PTBP3: variants seen among roughly 807,000 people sequenced by gnomAD.
PTBP3 encodes polypyrimidine tract binding protein 3.
In PTBP3, 20 loss-of-function variants were observed where a neutral mutation model predicts 58.7. The ratio of observed to expected loss-of-function variants is 0.34; its 90% CI spans 0.24 to 0.50. PTBP3 has a LOEUF of 0.50. Ranked by LOEUF, PTBP3 falls within the 20% of genes least tolerant of loss-of-function variation. PTBP3 has a pLI of 0.98. For missense variants in PTBP3, 509 were observed against 637.2 expected, an observed-to-expected ratio of 0.80 and a Z score of 2.17; for synonymous variants, 185 against 219.8, an observed-to-expected ratio of 0.84 and a Z score of 1.40.
At chr9:112,230,892 C>T (rs796855306) in intron 10 of PTBP3, among the ~76,000 whole-genome samples, 1 of 152,186 alleles carries the variant, frequency 6.6e-6, no homozygotes, top group Non-Finnish European at 1.5e-5. Flanking sequence ...TATTCAATGG[C>T]TTCCGATTGT....
chr9:112,253,140 T>A (rs1836199934), intron 5 of PTBP3, among the ~76,000 whole-genome samples: 1 of 152,216 alleles, frequency 6.6e-6, no homozygotes, highest in African/African-American at 2.4e-5. Context: ...AATCATCTAC[T>A]TTTTGAGATT....
downstream of PTBP3, chr9:112,217,737 C>T (rs758002555): frequency 3.3e-5 from 5 of 152,098 alleles, no homozygotes; most frequent in Non-Finnish European, 7.4e-5. Context: ...TTTATTTTCC[C>T]AGTATTTATG....
chr9:112,349,239 A>G, the PTBP3 span, among the ~76,000 whole-genome samples: 1 of 152,156 alleles, frequency 6.6e-6, no homozygotes, highest in Non-Finnish European at 1.5e-5. Context: ...TGCTAGACAT[A>G]TGGAGGCGCT....
chr9:112,235,101 C>T (rs1835391179), intron 7 of PTBP3, among the ~76,000 whole-genome samples: 2 of 152,066 alleles, frequency 1.3e-5, no homozygotes, highest in Non-Finnish European at 2.9e-5. Flanking sequence ...GGTTCAAGGA[C>T]CAAGAGTACA....
intron 4 of PTBP3, among the ~76,000 whole-genome samples, chr9:112,266,499 T>C (rs549144603): frequency 6.6e-6 from 1 of 152,170 alleles, no homozygotes; most frequent in East Asian, 1.9e-4. Flanking sequence ...TACATATACA[T>C]TGGAATACAC....
Position 112,295,901 on chromosome 9 carries a change from C to A in PTBP3, c.34+1931G>T, listed in dbSNP as rs1462169975. Among the ~76,000 whole-genome samples the A allele has an allele frequency of 3.9e-5, 6 of 152,126 alleles. No individual in the cohort carries two copies. The East Asian group carries it at 1.2e-3, about 29-fold the overall frequency. ...GGTAAAGGTTCGGGGAAGAAGGATTCTTTGTTTTAGAACTAGATCAAGCTT... is the reference window on the plus strand; with the variant it reads ...GGTAAAGGTTCGGGGAAGAAGGATTATTTGTTTTAGAACTAGATCAAGCTT... On this transcript the variant is annotated intron_variant, in intron 2 of 13. Transcript: ENST00000374257.
rs535721248 is a variant in PTBP3 at position 112,267,288 on chromosome 9, C to A, written c.351+761G>T. On this transcript the variant is annotated intron_variant, in intron 4 of 13. Transcript: ENST00000374257. ...TCACGCCATTCCCCTGTCTCAGCCT[C>A]CTGAGTAGCTGGGACTACAGATGAC... 8.5e-5 allele frequency among the ~76,000 whole-genome samples: 13 copies of A among 152,066 alleles called. No homozygotes were observed. The South Asian group carries it at 2.7e-3, about 32-fold the overall frequency.
chr9:112,282,998 C>T (rs1381428918), intron 2 of PTBP3, among the ~76,000 whole-genome samples: 1 of 152,210 alleles, frequency 6.6e-6, no homozygotes, highest in African/African-American at 2.4e-5. Context: ...TTCTCATTCA[C>T]ACTCACTCTA....
chr9:112,223,789 T>C lies in PTBP3; in HGVS notation c.*62A>G. 1 of 1,610,424 alleles carries C rather than the reference T, an allele frequency of 6.2e-7. No homozygotes were observed. Among genetic ancestry groups the C allele is most frequent in the Non-Finnish European group, 8.5e-7 (1 of 1,178,150 alleles). On this transcript the variant is annotated 3_prime_UTR_variant, in exon 14 of 14. Coordinates refer to ENST00000374257, the MANE Select transcript of PTBP3 (RefSeq NM_001163788.4). Reference sequence around the variant, plus strand: ...CAAAATTGGTCTTGAGCTGCTTCAGTCTATGTCTGAAGGTTTTACTGAAAT... The same window carrying C: ...CAAAATTGGTCTTGAGCTGCTTCAGCCTATGTCTGAAGGTTTTACTGAAAT...
intron 2 of PTBP3, among the ~76,000 whole-genome samples, chr9:112,276,828 A>T (rs953493449): frequency 1.3e-5 from 2 of 152,240 alleles, no homozygotes; most frequent in Non-Finnish European, 2.9e-5. Flanking sequence ...GCCTGTAAGG[A>T]ACACTTAAGT....
At chr9:112,255,369 T>C (rs1175873246) in intron 5 of PTBP3, among the ~76,000 whole-genome samples, 1 of 152,174 alleles carries the variant, frequency 6.6e-6, no homozygotes, top group Admixed American at 6.5e-5. Context: ...ACAGTAAAAT[T>C]CATGTTATAT....
chr9:112,313,569 G>A (rs543353642), intron 1 of PTBP3, among the ~76,000 whole-genome samples: 25 of 152,246 alleles, frequency 1.6e-4, no homozygotes, highest in African/African-American at 4.6e-4. Flanking sequence ...ATCACAGACC[G>A]GAATCATCTC....
At chr9:112,322,420 A>T (rs1396773736) in intron 1 of PTBP3, among the ~76,000 whole-genome samples, 1 of 152,198 alleles carries the variant, frequency 6.6e-6, no homozygotes, top group African/African-American at 2.4e-5. Context: ...AACAGCTGAT[A>T]TTAATCAAAA....
intron 1 of PTBP3, among the ~76,000 whole-genome samples, chr9:112,322,979 G>T (rs1830014614): frequency 6.6e-6 from 1 of 152,228 alleles, no homozygotes; most frequent in Admixed American, 6.5e-5. Flanking sequence ...CAGGTGTGGT[G>T]GCTCATGCCT....
intron 1 of PTBP3, among the ~76,000 whole-genome samples, chr9:112,323,394 C>G (rs1354517043): frequency 1.3e-5 from 2 of 152,196 alleles, no homozygotes; most frequent in African/African-American, 4.8e-5. Context: ...CCTTCTGTCT[C>G]CTTGCCATTC....
At chr9:112,231,956 A>G in intron 9 of PTBP3, 143 bp downstream of exon 9, 1 of 376,616 alleles carries the variant, frequency 2.7e-6, no homozygotes, top group Non-Finnish European at 4.4e-6. Context: ...AGAGAAGAGA[A>G]GAGAAGAGAA....
intron 12 of PTBP3, among the ~76,000 whole-genome samples, chr9:112,224,457 A>G (rs1310140150): frequency 6.6e-6 from 1 of 152,178 alleles, no homozygotes; most frequent in Non-Finnish European, 1.5e-5. Flanking sequence ...AAATCTTTCT[A>G]TATTCTTTTT....
chr9:112,288,907 C>T lies in PTBP3; in HGVS notation c.34+8925G>A, dbSNP rs78895172. On this transcript the variant is annotated intron_variant, in intron 2 of 13. Transcript: ENST00000374257. Reference sequence around the variant, plus strand: ...ATTTCTTGCTATGAAAAGCCAAGTACGCAAATTAACTGATCAGAGAAACTA... The same window carrying T: ...ATTTCTTGCTATGAAAAGCCAAGTATGCAAATTAACTGATCAGAGAAACTA... Among the ~76,000 whole-genome samples the T allele has an allele frequency of 7.8e-3, 1,193 of 152,248 alleles. 21 individuals carry two copies. The highest frequency in any genetic ancestry group is 0.027 in the African/African-American group (1,112 of 41,534).
intron 9 of PTBP3, 40 bp from the exon 10 acceptor site, chr9:112,231,453 A>C (rs377315539): frequency 6.6e-7 from 1 of 1,509,568 alleles, no homozygotes; most frequent in Non-Finnish European, 9.0e-7. Context: ...TGACAATTTA[A>C]GTAAAAATTG....
Sources: allele counts gnomAD v4.1 joint callset (sites outside exome capture counted in the v4.1 genomes callset), GRCh38; gene constraint gnomAD v4.1.1; transcripts MANE v1.5; gene names NCBI Gene and HGNC (gene_info 2026-07-23, HGNC 2026-07-21).